The following ACOXL variants were observed in gnomAD, a reference collection of about 807,000 sequenced individuals.
ACOXL encodes the protein acyl-coenzyme A oxidase-like protein.
A neutral mutation model predicts 71.9 loss-of-function variants in ACOXL; 70 were observed. The observed-to-expected ratio is 0.97, with a 90% CI of 0.80 to 1.19. The LOEUF (loss-of-function observed/expected upper bound fraction) is 1.19, where lower values mean the gene tolerates loss of function less well. ACOXL is among the 50% of genes most tolerant of loss of function. The pLI is 0.00. For synonymous variants in ACOXL, 253 were observed against 281.6 expected (o/e 0.90, Z 1.02); for missense variants, 703 against 736.3 (o/e 0.95, Z 0.52).
chr2:110,797,050 C>G (rs757477400), intron 5 of ACOXL, among the ~76,000 whole-genome samples: 11 of 152,312 alleles, frequency 7.2e-5, no homozygotes, highest in Middle Eastern at 3.4e-3. Flanking sequence ...CCAACTTGCC[C>G]CAGGTGCCCT....
intron 9 of ACOXL, among the ~76,000 whole-genome samples, chr2:110,814,266 C>T (rs963390909): frequency 1.3e-5 from 2 of 152,220 alleles, no homozygotes; most frequent in African/African-American, 4.8e-5. Context: ...GTGGCACTGC[C>T]GACTTTGCCT....
intron 10 of ACOXL, among the ~76,000 whole-genome samples, chr2:110,891,078 A>G (rs1697877681): frequency 6.6e-6 from 1 of 152,000 alleles, no homozygotes; most frequent in South Asian, 2.1e-4. Context: ...ATTGTTCATT[A>G]TTAGTATATA....
intron 2 of ACOXL, among the ~76,000 whole-genome samples, chr2:110,783,532 G>A (rs1322134866): frequency 4.6e-5 from 7 of 152,124 alleles, no homozygotes; most frequent in Admixed American, 3.9e-4. Context: ...TGGGGTGAGA[G>A]CTTTAGCCAG....
intron 11 of ACOXL, 76 bp downstream of exon 11, chr2:110,908,981 G>A: frequency 3.7e-6 from 4 of 1,072,840 alleles, no homozygotes; most frequent in Non-Finnish European, 5.4e-6. Context: ...AGAGCAGCAG[G>A]CACAGGATGT....
chr2:110,769,027 G>T (rs1438624212), intron 2 of ACOXL, among the ~76,000 whole-genome samples: 1 of 151,812 alleles, frequency 6.6e-6, no homozygotes, highest in African/African-American at 2.4e-5. Context: ...GGGAATAGGA[G>T]TATCAGCAGA....
chr2:110,791,122 CA>C (rs1684598561), intron 3 of ACOXL, among the ~76,000 whole-genome samples: 1 of 152,254 alleles, frequency 6.6e-6, no homozygotes, highest in South Asian at 2.1e-4. Flanking sequence ...GCATTTGGCC[CA>C]GCTTGGTTGG....
At chr2:110,771,152 A>G (rs1293354202) in intron 2 of ACOXL, among the ~76,000 whole-genome samples, 2 of 152,174 alleles carry the variant, frequency 1.3e-5, no homozygotes, top group African/African-American at 2.4e-5. Flanking sequence ...ACAAAAGCCA[A>G]TAAACCTGAA....
chr2:110,998,042 C>A (rs567273082), intron 14 of ACOXL, among the ~76,000 whole-genome samples: 1 of 151,824 alleles, frequency 6.6e-6, no homozygotes, highest in Non-Finnish European at 1.5e-5. Flanking sequence ...CAGAGAGAGA[C>A]CCTGTCTCAA....
intron 12 of ACOXL, among the ~76,000 whole-genome samples, chr2:110,944,672 A>G (rs943190106): frequency 6.6e-6 from 1 of 152,172 alleles, no homozygotes; most frequent in African/African-American, 2.4e-5. Flanking sequence ...CAAAGGACAC[A>G]ATCTCATTCC....
intron 11 of ACOXL, among the ~76,000 whole-genome samples, chr2:110,914,090 CTCCTTAAATA>C (rs1417963355): frequency 6.6e-6 from 1 of 152,078 alleles, no homozygotes; most frequent in African/African-American, 2.4e-5. Context: ...GGTTGCACAA[CTCCTTAAATA>C]TACTAGAAAT....
intron 9 of ACOXL, among the ~76,000 whole-genome samples, chr2:110,818,417 A>ATGTGTGTGTG (rs1405102852): frequency 3.6e-5 from 5 of 139,322 alleles, no homozygotes; most frequent in African/African-American, 1.4e-4. Context: ...AAACATATAT[A>ATGTGTGTGTG]TATATATGTG....
At chr2:110,997,855 C>A (rs2063466490) in intron 14 of ACOXL, among the ~76,000 whole-genome samples, 1 of 152,124 alleles carries the variant, frequency 6.6e-6, no homozygotes, top group Non-Finnish European at 1.5e-5. Context: ...AGGAGACCAG[C>A]CTGGGCAACA....
intron 1 of ACOXL, among the ~76,000 whole-genome samples, chr2:110,761,620 G>T (rs1302007403): frequency 6.6e-6 from 1 of 152,178 alleles, no homozygotes; most frequent in Admixed American, 6.5e-5. Flanking sequence ...CCTCCTGTCT[G>T]CATTGATGCC....
intron 10 of ACOXL, among the ~76,000 whole-genome samples, chr2:110,884,886 C>A (rs1221336170): frequency 6.6e-6 from 1 of 151,942 alleles, no homozygotes; most frequent in East Asian, 1.9e-4. Flanking sequence ...AGATTGGCCA[C>A]GAGATACAGC....
At position 110,841,371 on chromosome 2, in the gene ACOXL, C is replaced by G; in HGVS notation, c.754C>G (p.Leu252Val). 5 of 1,607,960 alleles carry G rather than the reference C, an allele frequency of 3.1e-6. No individual in the cohort carries two copies. The highest frequency in any genetic ancestry group is 4.3e-6 in the Non-Finnish European group (5 of 1,175,732). Residue 252 changes from leucine to valine, a missense_variant and splice_region_variant, in exon 10 of 18, where the codon CTT becomes GTT. Physicochemically the swap from Leu to Val is conservative, Grantham distance 32. Coordinates refer to ENST00000439055, the MANE Select transcript of ACOXL (RefSeq NM_001142807.4). ...VAFQAMGAMK[L>V]GLTIAIRYSH... ...TGTTTTTCTCTCTTTTTAATTACAGCTTGGGTTGACGATAGCCATTCGCTA... is the reference window on the plus strand; with the variant it reads ...TGTTTTTCTCTCTTTTTAATTACAGGTTGGGTTGACGATAGCCATTCGCTA...
intron 10 of ACOXL, among the ~76,000 whole-genome samples, chr2:110,864,355 A>T (rs1261467435): frequency 6.6e-6 from 1 of 152,134 alleles, no homozygotes; most frequent in African/African-American, 2.4e-5. Context: ...CTCAAAACTG[A>T]ACACCAGGGG....
At chr2:111,019,627 G>A (rs1391513584) in intron 14 of ACOXL, among the ~76,000 whole-genome samples, 1 of 152,162 alleles carries the variant, frequency 6.6e-6, no homozygotes, top group African/African-American at 2.4e-5. Context: ...CCCACTCCTG[G>A]AACTCGTGTG....
intron 3 of ACOXL, among the ~76,000 whole-genome samples, chr2:110,787,949 A>T (rs1210180151): frequency 6.6e-6 from 1 of 152,202 alleles, no homozygotes; most frequent in East Asian, 1.9e-4. Context: ...TTATTCATGG[A>T]ATTACTTTAT....
chr2:110,774,357 A>C (rs1489305715), intron 2 of ACOXL, among the ~76,000 whole-genome samples: 1 of 152,188 alleles, frequency 6.6e-6, no homozygotes, highest in African/African-American at 2.4e-5. Context: ...GATAAAAATC[A>C]AGTGTGGTAA....
Sources: allele counts gnomAD v4.1 joint callset (sites outside exome capture counted in the v4.1 genomes callset), GRCh38; gene constraint gnomAD v4.1.1; transcripts MANE v1.5; gene names NCBI Gene and HGNC (gene_info 2026-07-23, HGNC 2026-07-21).